LEKR1: variants seen among roughly 807,000 people sequenced by gnomAD.
LEKR1 encodes leucine, glutamate and lysine rich 1, also known as protein LEKR1.
LEKR1 carries 59 observed loss-of-function variants against 72.4 expected under a neutral mutation model. The ratio of observed to expected loss-of-function variants is 0.82; its 90% CI spans 0.66 to 1.01. LEKR1 has a LOEUF of 1.01. Among genes scored for constraint, LEKR1 ranks in the 50% least tolerant of loss-of-function variants. The pLI, the probability that LEKR1 is intolerant of heterozygous loss-of-function variation, is 0.00. For missense variants in LEKR1, 728 were observed against 759.2 expected (o/e 0.96, Z 0.48); for synonymous variants, 257 against 263.2 (o/e 0.98, Z 0.23).
chr3:156,838,299 A>G (rs1713425444), intron 2 of LEKR1, among the ~76,000 whole-genome samples: 1 of 152,244 alleles, frequency 6.6e-6, no homozygotes, highest in Admixed American at 6.5e-5. Flanking sequence ...GGCTTTCATC[A>G]GCAATTCTTT....
At chr3:157,023,794 T>C (rs1734005104) in intron 10 of LEKR1, among the ~76,000 whole-genome samples, 1 of 152,156 alleles carries the variant, frequency 6.6e-6, no homozygotes, top group Admixed American at 6.5e-5. Context: ...ACATGAGAGA[T>C]TGAATTAGGA....
At chr3:156,875,658 T>A (rs79600530) in intron 3 of LEKR1, among the ~76,000 whole-genome samples, 10,075 of 152,066 alleles carry the variant, frequency 0.066, 403 homozygotes, top group African/African-American at 0.11. Flanking sequence ...TTCTTTCAGG[T>A]CTTAGATTGA....
chr3:156,856,485 G>A (rs757849143), intron 3 of LEKR1, among the ~76,000 whole-genome samples: 7 of 152,100 alleles, frequency 4.6e-5, no homozygotes, highest in Non-Finnish European at 8.8e-5. Context: ...AAAACATGCT[G>A]TGTTATGATT....
At chr3:156,950,569 C>T (rs562576747) in intron 6 of LEKR1, among the ~76,000 whole-genome samples, 1 of 150,718 alleles carries the variant, frequency 6.6e-6, no homozygotes, top group African/African-American at 2.4e-5. Flanking sequence ...TAGCTGTATT[C>T]CTATGTATTT....
At chr3:156,891,018 G>C (rs187202716) in intron 3 of LEKR1, among the ~76,000 whole-genome samples, 5,987 of 149,116 alleles carry the variant, frequency 0.04, 169 homozygotes, top group Non-Finnish European at 0.061. Flanking sequence ...CACCACCATG[G>C]CCGGCTAATT....
In LEKR1 at chr3:156,833,886, A is replaced by ATCTC. The variant is rs374282741; in HGVS notation, c.48+4513_48+4516dup. ...ATAAAGGTAGCATGTGGCTACCTGA[A>ATCTC]TCTCTCTTTCCCCTTTTTTCCTTTT... is the stretch of plus-strand genomic sequence containing the variant. On this transcript the variant is annotated intron_variant, in intron 2 of 12. Coordinates refer to ENST00000356539, the MANE Select transcript of LEKR1 (RefSeq NM_001004316.3). 2.7e-4 allele frequency among the ~76,000 whole-genome samples: 41 copies of ATCTC among 151,784 alleles called. No homozygotes were observed. In the South Asian group the frequency reaches 8.5e-3, roughly 32 times the overall value.
chr3:156,875,362 T>C (rs1718432494), intron 3 of LEKR1, among the ~76,000 whole-genome samples: 1 of 152,232 alleles, frequency 6.6e-6, no homozygotes, highest in Non-Finnish European at 1.5e-5. Context: ...GCCCACTTTT[T>C]GATGGGGTTA....
intron 7 of LEKR1, chr3:156,979,891 G>A (rs139119931): frequency 6.6e-6 from 1 of 152,204 alleles, no homozygotes; most frequent in South Asian, 2.1e-4. Context: ...GCACACTCCT[G>A]TAGTCCCAGC....
chr3:156,971,769 T>C (rs1337916214), intron 6 of LEKR1, among the ~76,000 whole-genome samples: 1 of 152,090 alleles, frequency 6.6e-6, no homozygotes, highest in Non-Finnish European at 1.5e-5. Flanking sequence ...ATCAGAGAAA[T>C]GCAAATCAAA....
At chr3:156,861,327 G>A (rs967295740) in intron 3 of LEKR1, among the ~76,000 whole-genome samples, 3 of 152,084 alleles carry the variant, frequency 2.0e-5, no homozygotes, top group Admixed American at 6.6e-5. Context: ...ACTTTTTGGT[G>A]TTTATGGAAG....
chr3:156,894,194 G>A (rs1156269877), intron 3 of LEKR1, among the ~76,000 whole-genome samples: 6 of 152,164 alleles, frequency 3.9e-5, no homozygotes, highest in Admixed American at 1.3e-4. Context: ...CAGGAAAAGA[G>A]TAATGTCTCT....
At chr3:156,953,173 GCTT>G (rs1727319638) in intron 6 of LEKR1, among the ~76,000 whole-genome samples, 2 of 142,070 alleles carry the variant, frequency 1.4e-5, no homozygotes. Flanking sequence ...AAAAAAAAAA[GCTT>G]TATTTTTTAT....
chr3:157,009,289 G>A (rs567829160), intron 9 of LEKR1, among the ~76,000 whole-genome samples: 79 of 151,990 alleles, frequency 5.2e-4, no homozygotes, highest in African/African-American at 1.8e-3. Context: ...GTTATCACAG[G>A]TATTTTAGAT....
chr3:156,965,934 G>A (rs1728530125), intron 6 of LEKR1, among the ~76,000 whole-genome samples: 1 of 152,160 alleles, frequency 6.6e-6, no homozygotes, highest in East Asian at 1.9e-4. Context: ...TATTACTTTT[G>A]TAAAAGGCTA....
chr3:156,892,234 G>A (rs1387689702), intron 3 of LEKR1, among the ~76,000 whole-genome samples: 1 of 152,136 alleles, frequency 6.6e-6, no homozygotes, highest in Non-Finnish European at 1.5e-5. Context: ...GACGCCACCA[G>A]ACTAAGCGTA....
At chr3:156,958,810 C>T (rs2107981983) in intron 6 of LEKR1, among the ~76,000 whole-genome samples, 1 of 152,216 alleles carries the variant, frequency 6.6e-6, no homozygotes, top group South Asian at 2.1e-4. Context: ...GTTTTATATA[C>T]AGGTACTTTT....
chr3:156,949,385 G>C (rs917127422), intron 6 of LEKR1, among the ~76,000 whole-genome samples: 1 of 151,588 alleles, frequency 6.6e-6, no homozygotes, highest in Non-Finnish European at 1.5e-5. Context: ...CATATGGCTA[G>C]CCAGTTATCC....
At chr3:156,968,547 G>T (rs1313621424) in intron 6 of LEKR1, among the ~76,000 whole-genome samples, 3 of 152,040 alleles carry the variant, frequency 2.0e-5, no homozygotes, top group Non-Finnish European at 2.9e-5. Context: ...AATGGTAAAG[G>T]GATCAATTCA....
chr3:157,021,938 A>T (rs1021328428), intron 10 of LEKR1, among the ~76,000 whole-genome samples: 1 of 152,186 alleles, frequency 6.6e-6, no homozygotes, highest in East Asian at 1.9e-4. Context: ...ATACCTTCCA[A>T]TTTTTCCAAA....
Sources: allele counts gnomAD v4.1 joint callset (sites outside exome capture counted in the v4.1 genomes callset), GRCh38; gene constraint gnomAD v4.1.1; transcripts MANE v1.5; gene names NCBI Gene and HGNC (gene_info 2026-07-23, HGNC 2026-07-21).